The following SPON1 variants were observed in gnomAD, a reference collection of about 807,000 sequenced individuals.
SPON1 encodes spondin-1.
SPON1 carries 52 observed loss-of-function variants against 111.7 expected under a neutral mutation model. That is an observed-to-expected ratio of 0.47 (90% CI 0.37 to 0.59). The LOEUF is 0.59. SPON1 is among the 20% of genes least tolerant of loss of function. The probability of loss-of-function intolerance (pLI) is 0.00; values close to 1 mark genes in which losing one functional copy is unlikely to be tolerated. For synonymous variants in SPON1, 410 were observed against 395.8 expected (o/e 1.04, Z -0.43); for missense variants, 957 against 1,068.5 (o/e 0.90, Z 1.46).
At chr11:14,071,630 C>T (rs906864840) in intron 3 of SPON1, among the ~76,000 whole-genome samples, 1 of 152,094 alleles carries the variant, frequency 6.6e-6, no homozygotes, top group Non-Finnish European at 1.5e-5. Flanking sequence ...GAATAAGGTA[C>T]GAATCTTGGA....
intron 6 of SPON1, among the ~76,000 whole-genome samples, chr11:14,201,201 G>A (rs895369232): frequency 7.2e-5 from 11 of 151,736 alleles, no homozygotes; most frequent in African/African-American, 2.2e-4. Context: ...TTAGCCAGGC[G>A]TGGTGGCGGG....
chr11:14,049,783 C>T (rs1251207267), intron 3 of SPON1, among the ~76,000 whole-genome samples: 1 of 152,182 alleles, frequency 6.6e-6, no homozygotes, highest in Non-Finnish European at 1.5e-5. Flanking sequence ...AGGGCCAAAA[C>T]CTGCCCTAAA....
intron 2 of SPON1, among the ~76,000 whole-genome samples, chr11:14,015,841 G>A (rs1554914239): frequency 1.3e-5 from 2 of 152,154 alleles, no homozygotes; most frequent in African/African-American, 4.8e-5. Flanking sequence ...GGGTCTCAGG[G>A]ACAATATCCA....
At chr11:14,067,113 G>A (rs1848838604) in intron 3 of SPON1, among the ~76,000 whole-genome samples, 2 of 152,148 alleles carry the variant, frequency 1.3e-5, no homozygotes, top group Non-Finnish European at 2.9e-5. Context: ...AGAGATTGAG[G>A]CTGCAGTAAG....
At chr11:14,132,705 C>T (rs533404833) in intron 5 of SPON1, among the ~76,000 whole-genome samples, 7 of 152,242 alleles carry the variant, frequency 4.6e-5, no homozygotes, top group Admixed American at 1.3e-4. Context: ...TGGGTCCCTC[C>T]CCTAATCCCC....
At chr11:14,176,549 C>T (rs1210801940) in intron 6 of SPON1, among the ~76,000 whole-genome samples, 2 of 152,152 alleles carry the variant, frequency 1.3e-5, no homozygotes, top group Non-Finnish European at 2.9e-5. Flanking sequence ...CATAGGGCTA[C>T]AGAACCAGTC....
chr11:13,968,952 A>G (rs1251274447), intron 1 of SPON1, among the ~76,000 whole-genome samples: 1 of 152,208 alleles, frequency 6.6e-6, no homozygotes, highest in African/African-American at 2.4e-5. Flanking sequence ...TAAATTTCTA[A>G]GGATCATATT....
At chr11:14,222,166 A>G (rs1189145845) in intron 6 of SPON1, among the ~76,000 whole-genome samples, 1 of 152,206 alleles carries the variant, frequency 6.6e-6, no homozygotes, top group East Asian at 1.9e-4. Flanking sequence ...TTTTCAGACC[A>G]TGCTTTTTCC....
chr11:14,262,712 C>T lies in SPON1; in HGVS notation c.1997C>T (p.Pro666Leu). ...QVEKCMLPEC[P>L]IDCELTEWSQ... ...CTCATGCCCATCTGTGTCTTGCCAG[C>T]CATTGACTGTGAGCTCACCGAGTGG... The change falls in exon 15 of 16, where the codon CCC becomes CTC. Residue 666 changes from proline to leucine, a missense_variant and splice_region_variant. By Grantham distance (98) the Pro-to-Leu change is moderately conservative (BLOSUM62 -3). Coordinates refer to ENST00000576479, the MANE Select transcript of SPON1 (RefSeq NM_006108.4). 1 of 1,613,838 alleles carries T rather than the reference C, an allele frequency of 6.2e-7. No homozygotes were observed.
At chr11:14,244,641 A>G (rs1183104726) in intron 7 of SPON1, among the ~76,000 whole-genome samples, 1 of 151,786 alleles carries the variant, frequency 6.6e-6, no homozygotes, top group Non-Finnish European at 1.5e-5. Context: ...CCACCTACTC[A>G]GGAGGCTGAA....
At chr11:14,115,306 A>G (rs1254869637) in intron 5 of SPON1, among the ~76,000 whole-genome samples, 4 of 152,194 alleles carry the variant, frequency 2.6e-5, no homozygotes, top group Admixed American at 1.3e-4. Flanking sequence ...TATACACAGA[A>G]AAGTGGGTAA....
At chr11:14,065,528 A>G (rs567032392) in intron 3 of SPON1, among the ~76,000 whole-genome samples, 1 of 152,356 alleles carries the variant, frequency 6.6e-6, no homozygotes, top group Admixed American at 6.5e-5. Context: ...TCCAGCTGAG[A>G]CAGGTTCTAT....
chr11:14,045,553 G>T (rs1315734670), intron 3 of SPON1, among the ~76,000 whole-genome samples: 1 of 151,576 alleles, frequency 6.6e-6, no homozygotes, highest in Non-Finnish European at 1.5e-5. Context: ...CATTCAGTCT[G>T]GGGGACAGAG....
intron 6 of SPON1, among the ~76,000 whole-genome samples, chr11:14,237,650 G>C (rs782411830): frequency 6.6e-6 from 1 of 152,218 alleles, no homozygotes; most frequent in Non-Finnish European, 1.5e-5. Context: ...GTGTGGCTGC[G>C]TATCACTGCA....
At chr11:14,260,020 C>T (rs1248636960) in intron 13 of SPON1, among the ~76,000 whole-genome samples, 1 of 152,156 alleles carries the variant, frequency 6.6e-6, no homozygotes, top group Non-Finnish European at 1.5e-5. Flanking sequence ...AGGGCCAATA[C>T]ATTTAGGCGG....
chr11:14,164,548 T>C (rs1848005227), intron 6 of SPON1, among the ~76,000 whole-genome samples: 1 of 152,162 alleles, frequency 6.6e-6, no homozygotes, highest in Non-Finnish European at 1.5e-5. Flanking sequence ...CGTTCTAAGC[T>C]ACGATATTTG....
At chr11:13,970,556 G>A (rs1341753881) in intron 1 of SPON1, among the ~76,000 whole-genome samples, 1 of 152,124 alleles carries the variant, frequency 6.6e-6, no homozygotes, top group Non-Finnish European at 1.5e-5. Context: ...TGAACCAAAT[G>A]GTGATTCTAG....
chr11:14,233,961 T>C (rs1554939003), intron 6 of SPON1, among the ~76,000 whole-genome samples: 1 of 151,968 alleles, frequency 6.6e-6, no homozygotes, highest in East Asian at 1.9e-4. Context: ...GGTTTCACCA[T>C]GTTGGCCAGG....
intron 2 of SPON1, among the ~76,000 whole-genome samples, chr11:14,012,157 T>C (rs1554913796): frequency 6.6e-6 from 1 of 152,108 alleles, no homozygotes; most frequent in East Asian, 1.9e-4. Context: ...TCTTTACCAG[T>C]TGGGACTTGC....
Sources: allele counts gnomAD v4.1 joint callset (sites outside exome capture counted in the v4.1 genomes callset), GRCh38; gene constraint gnomAD v4.1.1; transcripts MANE v1.5; gene names NCBI Gene and HGNC (gene_info 2026-07-23, HGNC 2026-07-21).